The following KCNH3 variants were observed in gnomAD, a reference collection of about 807,000 sequenced individuals.
KCNH3 encodes potassium voltage-gated channel subfamily H member 3, also known as voltage-gated inwardly rectifying potassium channel KCNH3.
In KCNH3, 36 loss-of-function variants were observed where a neutral mutation model predicts 95.6. The ratio of observed to expected loss-of-function variants is 0.38; its 90% CI spans 0.29 to 0.50. The LOEUF (loss-of-function observed/expected upper bound fraction) is 0.50, where lower values mean the gene tolerates loss of function less well. Ranked by LOEUF, KCNH3 falls within the 20% of genes least tolerant of loss-of-function variation. The pLI, the probability that KCNH3 is intolerant of heterozygous loss-of-function variation, is 0.95. For missense variants in KCNH3, 1,030 were observed against 1,484.1 expected, an observed-to-expected ratio of 0.69 and a Z score of 5.03; for synonymous variants, 620 against 646.3, an observed-to-expected ratio of 0.96 and a Z score of 0.62.
chr12:49,551,574 C>CAAA (rs59344956), intron 10 of KCNH3, among the ~76,000 whole-genome samples: 27 of 57,530 alleles, frequency 4.7e-4, no homozygotes, highest in East Asian at 2.9e-3. Context: ...GACTCTGTCT[C>CAAA]AAAAAAAAAA....
intron 7 of KCNH3, 136 bp downstream of exon 7, chr12:49,544,518 G>C (rs1937993909): frequency 7.0e-6 from 6 of 856,566 alleles, no homozygotes; most frequent in Non-Finnish European, 1.1e-5. Flanking sequence ...AGGGTGTGCA[G>C]GTGTGAGTGT....
At chr12:49,550,363 C>T (rs753952821) in intron 10 of KCNH3, 34 bp downstream of exon 10, 13 of 1,573,244 alleles carry the variant, frequency 8.3e-6, no homozygotes, top group Admixed American at 1.7e-5. Flanking sequence ...CGTGGGGGCA[C>T]GTGTGTGTGA....
At position 49,558,192 on chromosome 12, in the gene KCNH3, TG is replaced by T; in HGVS notation, c.*244del. The T allele has an allele frequency of 2.4e-6, 1 of 415,506 alleles. No individual in the cohort carries two copies. The allele number at this position is 415,506 out of a possible 1,614,324, so 25.7% of individuals were successfully genotyped here. ...GACCTCCCGGTCTCCCTCTGCAGGCTGGGGGCAGAGGCCTGAGGACAAGGAA... is the reference window on the plus strand; with the variant it reads ...GACCTCCCGGTCTCCCTCTGCAGGCTGGGGCAGAGGCCTGAGGACAAGGAA... On this transcript the variant is annotated 3_prime_UTR_variant, in exon 15 of 15. Transcript: ENST00000257981.
rs527836399 is a variant in KCNH3, at chr12:49,557,954, G to A, written c.*1G>A. ...CCAGGAAGAAGGCACAGGGGTCTGA[G>A]TACCAGCCCTAGAACTCAGCGTTGC... On this transcript the variant is annotated 3_prime_UTR_variant, in exon 15 of 15. Transcript: ENST00000257981. 2.0e-6 allele frequency: 3 copies of A among 1,501,154 alleles called. No homozygotes were observed. The African/African-American group carries it at 4.2e-5, about 21-fold the overall frequency. 93.0% of individuals were successfully genotyped at this position (1,501,154 alleles called of 1,614,324 possible).
intron 7 of KCNH3, among the ~76,000 whole-genome samples, chr12:49,546,541 GAC>G (rs1017877920): frequency 6.6e-6 from 1 of 152,140 alleles, no homozygotes; most frequent in Admixed American, 6.5e-5. Context: ...CCATGATGTG[GAC>G]AGAGTTCCTT....
chr12:49,545,708 G>C (rs937395830), intron 7 of KCNH3, among the ~76,000 whole-genome samples: 5 of 151,996 alleles, frequency 3.3e-5, no homozygotes, highest in African/African-American at 1.2e-4. Context: ...TCGTATGACT[G>C]TCTGCTCCTT....
chr12:49,549,219 T>C (rs760999512), intron 8 of KCNH3, 46 bp downstream of exon 8: 32 of 1,536,576 alleles, frequency 2.1e-5, no homozygotes, highest in Non-Finnish European at 2.8e-5. Context: ...CCCAGACTTC[T>C]GCCCGCAGGC....
rs571970997 is a variant in KCNH3, at chr12:49,545,861, T to C, written c.1189+1479T>C. Reference sequence around the variant, plus strand: ...TGTCACAGAGGACCCATTTGAAATTTTCCCCAAGTGCTCTCACTGCTGAGT... The same window carrying C: ...TGTCACAGAGGACCCATTTGAAATTCTCCCCAAGTGCTCTCACTGCTGAGT... On this transcript the variant is annotated intron_variant, in intron 7 of 14. Transcript: ENST00000257981. 1.7e-3 allele frequency among the ~76,000 whole-genome samples: 262 copies of C among 152,170 alleles called. 1 individual carries two copies. Among genetic ancestry groups the C allele is most frequent in the African/African-American group, 5.9e-3 (246 of 41,492 alleles).
chr12:49,544,149 T>TCCCCC, intron 6 of KCNH3, 26 bp from the exon 7 acceptor site: 19 of 516,912 alleles, frequency 3.7e-5, no homozygotes, highest in South Asian at 1.3e-4. Flanking sequence ...CCTCCCTCCC[T>TCCCCC]CCCTCCCTCC....
chr12:49,549,349 T>G, intron 8 of KCNH3, 92 bp from the exon 9 acceptor site: 1 of 1,522,694 alleles, frequency 6.6e-7, no homozygotes, highest in Non-Finnish European at 9.0e-7. Flanking sequence ...AGGCCTTGCC[T>G]AGGAGCGTGC....
Position 49,539,459 on chromosome 12 carries a change from C to T in KCNH3, c.43C>T (p.Leu15=), listed in dbSNP as rs1937793386. The T allele has an allele frequency of 3.2e-6, 5 of 1,585,780 alleles. No individual in the cohort carries two copies. The highest frequency in any genetic ancestry group is 2.3e-5 in the South Asian group (2 of 87,764). The part of the protein sequence containing the change: ...RGLLAPQNTF[L]DTIATRFDGT... ...CCTCCTGGCGCCGCAGAACACCTTC[C>T]TGGACACCATCGCTACGCGCTTCGA... Residue 15 remains leucine, a synonymous_variant, in exon 1 of 15, where the codon CTG becomes TTG. Transcript: ENST00000257981. This position sits in a 1 kb window ranked among gnomAD's most constrained non-coding sequence, Gnocchi z 6.7.
chr12:49,544,149 T>TTCC, intron 6 of KCNH3, 26 bp from the exon 7 acceptor site: 1 of 516,948 alleles, frequency 1.9e-6, no homozygotes, highest in Non-Finnish European at 3.5e-6. Flanking sequence ...CCTCCCTCCC[T>TTCC]CCCTCCCTCC....
At chr12:49,543,657 A>AC (rs1937952177) in intron 5 of KCNH3, 139 bp downstream of exon 5, 1 of 1,255,284 alleles carries the variant, frequency 8.0e-7, no homozygotes, top group Non-Finnish European at 1.1e-6. Flanking sequence ...TTGAAATCAG[A>AC]CCTAGGTTCC....
At position 49,544,198 on chromosome 12, in the gene KCNH3, G is replaced by A. The variant is rs1292745250; in HGVS notation, c.1005G>A (p.Lys335=). The A allele has an allele frequency of 7.1e-7, 1 of 1,415,648 alleles. No individual in the cohort carries two copies. The highest frequency in any genetic ancestry group is 9.4e-7 in the Non-Finnish European group (1 of 1,058,752). The allele number at this position is 1,415,648 out of a possible 1,614,324, so 87.7% of individuals were successfully genotyped here. A position where few individuals can be genotyped will look rare whatever the true frequency, so the allele number is the denominator to read the frequency against. The change falls in exon 7 of 15, where the codon AAG becomes AAA. Residue 335 remains lysine, a synonymous_variant. Coordinates refer to ENST00000257981, the MANE Select transcript of KCNH3 (RefSeq NM_012284.3). The stretch of plus-strand genomic sequence containing the variant: ...AGTACTTCGGGGCCCATCTGCTGAA[G>A]ACGGTGCGCCTGCTGCGCCTGCTGC... ...VNVYFGAHLL[K]TVRLLRLLRL... is the part of the protein sequence containing the mutation.
At position 49,542,732 on chromosome 12, in the gene KCNH3, G is replaced by A. The variant is rs1937916185; in HGVS notation, c.472G>A (p.Ala158Thr). The change falls in exon 4 of 15, where the codon GCA becomes ACA. Residue 158 changes from alanine (A) to threonine (T), a missense_variant. Physicochemically the swap from Ala to Thr is moderately conservative, Grantham distance 58. Transcript: ENST00000257981. The part of the protein sequence containing the change: ...TGGGRRRYGR[A>T]RSKGFNANRR... ...TGGTGGCCGGCGCCGATATGGCCGG[G>A]CACGATCCAAAGGCTTCAATGCCAA... 5 of 1,584,658 alleles carry A rather than the reference G, an allele frequency of 3.2e-6. No individual in the cohort carries two copies. In the South Asian group the frequency reaches 4.6e-5, roughly 15 times the overall value.
Position 49,549,552 on chromosome 12 carries a change from T to G in KCNH3, c.1580T>G (p.Ile527Ser). ...RTRDLRDYIR[I>S]HRIPKPLKQR... ...CGCGACCTGCGCGACTACATCCGCA[T>G]CCACCGTATCCCCAAGCCCCTCAAG... The change falls in exon 9 of 15, where the codon ATC becomes AGC. Residue 527 changes from isoleucine to serine, a missense_variant. Physicochemically the swap from Ile to Ser is moderately radical, Grantham distance 142. Coordinates refer to ENST00000257981, the MANE Select transcript of KCNH3 (RefSeq NM_012284.3). The G allele has an allele frequency of 6.2e-7, 1 of 1,613,420 alleles. No individual in the cohort carries two copies. Among genetic ancestry groups the G allele is most frequent in the East Asian group, 2.2e-5 (1 of 44,886 alleles).
intron 7 of KCNH3, among the ~76,000 whole-genome samples, chr12:49,548,112 G>A (rs1370230448): frequency 1.3e-5 from 2 of 151,628 alleles, no homozygotes; most frequent in African/African-American, 4.9e-5. Flanking sequence ...GTGTGTGTGT[G>A]TGTGTGTGTG....
chr12:49,549,480 T>G lies in KCNH3; in HGVS notation c.1508T>G (p.Ile503Ser). Residue 503 changes from isoleucine (I) to serine (S), a missense_variant, in exon 9 of 15, where the codon ATC becomes AGC. This residue lies in a region of KCNH3 where 160 missense variants were observed against 316.2 expected (regional missense o/e 0.51). Coordinates refer to ENST00000257981, the MANE Select transcript of KCNH3 (RefSeq NM_012284.3). Reference sequence around the variant, plus strand: ...GTGGTGTTTGGGAACGTGACGGCCATCATCCAGCGCATGTACGCCCGCCGC... The same window carrying G: ...GTGGTGTTTGGGAACGTGACGGCCAGCATCCAGCGCATGTACGCCCGCCGC... Reference protein sequence around the residue: ...HAVVFGNVTAIIQRMYARRFL... With the variant: ...HAVVFGNVTASIQRMYARRFL... 1 of 1,613,496 alleles carries G rather than the reference T, an allele frequency of 6.2e-7. No homozygotes were observed. The highest frequency in any genetic ancestry group is 8.5e-7 in the Non-Finnish European group (1 of 1,180,014).
At position 49,554,540 on chromosome 12, in the gene KCNH3, G is replaced by A; in HGVS notation, c.2122G>A (p.Gly708Arg). Residue 708 changes from glycine to arginine, a missense_variant, in exon 11 of 15, where the codon GGA (glycine) becomes AGA (arginine). Around this residue, in one of 9 missense-constraint regions of KCNH3, gnomAD observed 464 missense variants for 493.2 expected, o/e 0.94. Transcript: ENST00000257981. ...GELSYNLGAG[G>R]GSAEVDTSSL... is the part of the protein sequence containing the mutation. ...GCTCAGCTACAACCTGGGTGCTGGG[G>A]GAGGCTCTGCAGAGGTGAGTGTGCT... is the stretch of plus-strand genomic sequence containing the variant. 6.2e-7 allele frequency: 1 copy of A among 1,612,938 alleles called. No individual in the cohort carries two copies. The highest frequency in any genetic ancestry group is 8.5e-7 in the Non-Finnish European group (1 of 1,179,458).
Sources: allele counts gnomAD v4.1 joint callset (sites outside exome capture counted in the v4.1 genomes callset), GRCh38; gene constraint gnomAD v4.1.1; regional missense constraint gnomAD v4.1.1; non-coding constraint Gnocchi (gnomAD v3.1); transcripts MANE v1.5; gene names NCBI Gene and HGNC (gene_info 2026-07-23, HGNC 2026-07-21).